The following CNTN4 variants were observed in gnomAD, a reference collection of about 807,000 sequenced individuals.
The protein encoded by CNTN4 is contactin-4.
A neutral mutation model predicts 122.5 loss-of-function variants in CNTN4; 77 were observed. That is an observed-to-expected ratio of 0.63 (90% CI 0.52 to 0.76). The LOEUF (loss-of-function observed/expected upper bound fraction) is 0.76, where lower values mean the gene tolerates loss of function less well. Among genes scored for constraint, CNTN4 ranks in the 30% least tolerant of loss-of-function variants. The pLI, the probability that CNTN4 is intolerant of heterozygous loss-of-function variation, is 0.00. For missense variants in CNTN4, 1,256 were observed against 1,259.1 expected (o/e 1.00, Z 0.04); for synonymous variants, 512 against 447.0 (o/e 1.15, Z -1.83).
chr3:2,271,562 T>C (rs1168369172), intron 2 of CNTN4, among the ~76,000 whole-genome samples: 1 of 152,186 alleles, frequency 6.6e-6, no homozygotes. Flanking sequence ...TTTTTAATGT[T>C]CTATGTAATT....
chr3:2,533,197 A>T (rs1233193215), intron 3 of CNTN4, among the ~76,000 whole-genome samples: 1 of 149,190 alleles, frequency 6.7e-6, no homozygotes, highest in Non-Finnish European at 1.5e-5. Flanking sequence ...GGTTTGTTTC[A>T]TATGTATACA....
intron 7 of CNTN4, among the ~76,000 whole-genome samples, chr3:2,864,258 C>T (rs1055699903): frequency 2.8e-4 from 42 of 152,196 alleles, no homozygotes; most frequent in South Asian, 2.1e-4. Context: ...CCTAATATAA[C>T]GCAGATTTGA....
At chr3:2,897,595 T>C (rs1467908968) in intron 10 of CNTN4, among the ~76,000 whole-genome samples, 1 of 152,204 alleles carries the variant, frequency 6.6e-6, no homozygotes, top group African/African-American at 2.4e-5. Context: ...GATTTTGGAA[T>C]ATTTCGACCC....
At chr3:2,156,171 G>A (rs1375264030) in intron 2 of CNTN4, among the ~76,000 whole-genome samples, 4 of 152,138 alleles carry the variant, frequency 2.6e-5, no homozygotes, top group Non-Finnish European at 5.9e-5. Context: ...ATGAAGTTTT[G>A]GAGAGCTGGT....
At chr3:2,305,326 G>T (rs1429116057) in intron 2 of CNTN4, among the ~76,000 whole-genome samples, 1 of 152,118 alleles carries the variant, frequency 6.6e-6, no homozygotes, top group Admixed American at 6.5e-5. Flanking sequence ...TCCTATAAAT[G>T]AATTCATTGA....
At position 3,053,905 on chromosome 3, in the gene CNTN4, A is replaced by G; in HGVS notation, c.2910A>G (p.Ile970Met). 3 of 1,614,212 alleles carry G rather than the reference A, an allele frequency of 1.9e-6. No homozygotes were observed. Among genetic ancestry groups the G allele is most frequent in the Non-Finnish European group, 2.5e-6 (3 of 1,180,012 alleles). The change falls in exon 24 of 25, where the codon ATA becomes ATG. Residue 970 changes from isoleucine to methionine, a missense_variant. Coordinates refer to ENST00000418658, the MANE Select transcript of CNTN4 (RefSeq NM_175607.3). ...TGCCTTTCGATGAAGATTATATAAT[A>G]GAAATTAAGCCATTCAGCGACGGAG... ...LSLPFDEDYIIEIKPFSDGGD... is the reference protein window; with the variant it reads ...LSLPFDEDYIMEIKPFSDGGD...
At chr3:2,735,922 C>G (rs1186649135) in intron 4 of CNTN4, 2 of 535,776 alleles carry the variant, frequency 3.7e-6, no homozygotes, top group Non-Finnish European at 7.3e-6. Flanking sequence ...TAAAGACAAG[C>G]AGAACAATAC....
chr3:2,189,986 G>A (rs371591507), intron 2 of CNTN4, among the ~76,000 whole-genome samples: 1 of 152,158 alleles, frequency 6.6e-6, no homozygotes, highest in Non-Finnish European at 1.5e-5. Flanking sequence ...CATACAGGAA[G>A]GTGATGATGA....
intron 3 of CNTN4, among the ~76,000 whole-genome samples, chr3:2,387,455 T>A (rs1365110626): frequency 6.6e-6 from 1 of 152,194 alleles, no homozygotes; most frequent in East Asian, 1.9e-4. Context: ...TTTTGTATTA[T>A]TTTGTTTTGA....
intron 6 of CNTN4, among the ~76,000 whole-genome samples, chr3:2,814,128 T>A (rs1390258246): frequency 6.6e-6 from 1 of 152,174 alleles, no homozygotes; most frequent in Non-Finnish European, 1.5e-5. Context: ...AATTGTACAA[T>A]CCTTAGCACA....
At chr3:2,502,934 T>C (rs1026893541) in intron 3 of CNTN4, among the ~76,000 whole-genome samples, 1 of 152,190 alleles carries the variant, frequency 6.6e-6, no homozygotes, top group African/African-American at 2.4e-5. Context: ...TGATGAAAAC[T>C]ATACTGTTGT....
chr3:2,509,758 A>C (rs2076831326), intron 3 of CNTN4, among the ~76,000 whole-genome samples: 1 of 152,110 alleles, frequency 6.6e-6, no homozygotes. Flanking sequence ...AATGATACAC[A>C]TTTTTTCACA....
chr3:2,765,972 G>A (rs2149727095), intron 6 of CNTN4, among the ~76,000 whole-genome samples: 1 of 152,280 alleles, frequency 6.6e-6, no homozygotes, highest in Middle Eastern at 3.4e-3. Flanking sequence ...CAGTGGGAGA[G>A]GAACAGCCTT....
At chr3:3,024,682 T>C (rs946029927) in intron 14 of CNTN4, among the ~76,000 whole-genome samples, 7 of 152,094 alleles carry the variant, frequency 4.6e-5, no homozygotes, top group African/African-American at 1.7e-4. Flanking sequence ...AGAACAGAGA[T>C]TTCCCTTTTG....
intron 3 of CNTN4, among the ~76,000 whole-genome samples, chr3:2,479,922 C>T (rs570786795): frequency 1.0e-3 from 156 of 152,276 alleles, no homozygotes; most frequent in Non-Finnish European, 2.0e-3. Context: ...TACACCACCA[C>T]CACCAAGTGG....
chr3:2,831,763 A>G (rs1175217576), intron 7 of CNTN4, among the ~76,000 whole-genome samples: 1 of 152,158 alleles, frequency 6.6e-6, no homozygotes, highest in East Asian at 1.9e-4. Flanking sequence ...AGAAATATCC[A>G]AAGAATCTCT....
intron 14 of CNTN4, among the ~76,000 whole-genome samples, chr3:3,018,318 A>G (rs551318006): frequency 6.6e-6 from 1 of 152,356 alleles, no homozygotes; most frequent in Non-Finnish European, 1.5e-5. Context: ...TTTTATAAGT[A>G]GCATAAAACT....
intron 3 of CNTN4, among the ~76,000 whole-genome samples, chr3:2,425,137 T>G (rs1327907591): frequency 3.3e-5 from 5 of 152,208 alleles, no homozygotes; most frequent in Non-Finnish European, 5.9e-5. Context: ...AGACATGAAG[T>G]GCTTGCCCAT....
At chr3:2,661,163 T>C (rs887732832) in intron 4 of CNTN4, among the ~76,000 whole-genome samples, 1 of 152,200 alleles carries the variant, frequency 6.6e-6, no homozygotes, top group Non-Finnish European at 1.5e-5. Context: ...TTAGCCAGAC[T>C]AAGATGACAA....
Sources: gnomAD v4.1 joint callset for allele counts (sites outside exome capture counted in the v4.1 genomes callset) on GRCh38, gnomAD v4.1.1 for gene constraint, MANE v1.5 for transcripts, NCBI Gene and HGNC (gene_info 2026-07-23, HGNC 2026-07-21) for gene names.